SRSF11: variants seen among roughly 807,000 people sequenced by gnomAD.
SRSF11 encodes serine and arginine rich splicing factor 11.
SRSF11 carries 9 observed loss-of-function variants against 56.0 expected under a neutral mutation model. That is an observed-to-expected ratio of 0.16 (90% CI 0.10 to 0.28). The LOEUF is 0.28. Among genes scored for constraint, SRSF11 ranks in the 10% least tolerant of loss-of-function variants. The probability of loss-of-function intolerance (pLI) is 1.00; values close to 1 mark genes in which losing one functional copy is unlikely to be tolerated. For missense variants in SRSF11, 421 were observed against 600.7 expected, an observed-to-expected ratio of 0.70 and a Z score of 3.13; for synonymous variants, 222 against 215.3, an observed-to-expected ratio of 1.03 and a Z score of -0.27.
chr1:70,206,661 A>G (rs139951301), intron 1 of SRSF11, among the ~76,000 whole-genome samples: 7 of 152,174 alleles, frequency 4.6e-5, no homozygotes, highest in Admixed American at 1.3e-4. Flanking sequence ...AACCCCCATC[A>G]AGTCTACTGA....
chr1:70,205,731 C>T, exon 1 of SRSF11: 1 of 509,746 alleles, frequency 2.0e-6, no homozygotes, highest in Non-Finnish European at 3.4e-6. Context: ...GACAGAGAAG[C>T]CTTTTCCGTT....
chr1:70,241,287 T>A (rs1478923070), intron 7 of SRSF11, among the ~76,000 whole-genome samples: 1 of 152,230 alleles, frequency 6.6e-6, no homozygotes, highest in East Asian at 1.9e-4. Context: ...ACTTATATCA[T>A]AAAATATCTA....
Position 70,237,514 on chromosome 1 carries a change from G to A in SRSF11, c.680G>A (p.Arg227Gln), listed in dbSNP as rs947572087. ...ATAGAGGAAGCTATGAAAAGAGTAC[G>A]AGAAGCACAGTCCCTAATTTCTGCT... is the stretch of plus-strand genomic sequence containing the variant. ...KEIEEAMKRV[R>Q]EAQSLISAAI... Residue 227 changes from arginine (R) to glutamine (Q), a missense_variant, in exon 6 of 12, where the codon CGA becomes CAA. By Grantham distance (43) the Arg-to-Gln change is conservative (BLOSUM62 1). Around this residue, in one of 2 missense-constraint regions of SRSF11, gnomAD observed 168 missense variants for 294.9 expected, o/e 0.57. Coordinates refer to ENST00000370949, the MANE Select transcript of SRSF11 (RefSeq NM_001350605.2). The A allele has an allele frequency of 1.2e-6, 2 of 1,613,918 alleles. No individual in the cohort carries two copies. The highest frequency in any genetic ancestry group is 1.1e-5 in the South Asian group (1 of 90,994).
intron 1 of SRSF11, among the ~76,000 whole-genome samples, chr1:70,212,374 A>G (rs1010146658): frequency 6.6e-6 from 1 of 152,024 alleles, no homozygotes; most frequent in Non-Finnish European, 1.5e-5. Flanking sequence ...CTCCTCCCTC[A>G]GCCTCCCCAA....
At chr1:70,236,933 G>A (rs1326241079) in intron 5 of SRSF11, among the ~76,000 whole-genome samples, 2 of 149,762 alleles carry the variant, frequency 1.3e-5, no homozygotes, top group East Asian at 2.0e-4. Flanking sequence ...GACTACAGGC[G>A]CCTGCCACCA....
At chr1:70,238,261 T>G (rs916187944) in intron 6 of SRSF11, among the ~76,000 whole-genome samples, 6 of 152,208 alleles carry the variant, frequency 3.9e-5, no homozygotes, top group African/African-American at 1.4e-4. Flanking sequence ...TAGGAACTTT[T>G]AGATAGCACA....
chr1:70,235,757 T>C (rs1673842573), intron 5 of SRSF11, among the ~76,000 whole-genome samples: 1 of 152,238 alleles, frequency 6.6e-6, no homozygotes, highest in Non-Finnish European at 1.5e-5. Context: ...GAGTCTTGAA[T>C]AGTAATTGTA....
upstream of SRSF11, among the ~76,000 whole-genome samples, chr1:70,216,399 A>T (rs969317558): frequency 6.6e-6 from 1 of 151,552 alleles, no homozygotes; most frequent in Non-Finnish European, 1.5e-5. Flanking sequence ...CTTTTCTATA[A>T]TGTGACTTTA....
At chr1:70,235,710 G>T (rs1438465482) in intron 5 of SRSF11, among the ~76,000 whole-genome samples, 160 bp downstream of exon 5, 1 of 152,170 alleles carries the variant, frequency 6.6e-6, no homozygotes, top group Non-Finnish European at 1.5e-5. Flanking sequence ...ACAGAAGTAA[G>T]TAAGGTCCTC....
chr1:70,229,725 C>A, intron 2 of SRSF11: 1 of 984,288 alleles, frequency 1.0e-6, no homozygotes, highest in African/African-American at 1.7e-5. Context: ...GCATTTACAC[C>A]ATACCTTGTA....
At position 70,250,056 on chromosome 1, in the gene SRSF11, G is replaced by A. The variant is rs763444849; in HGVS notation, c.1118+9G>A. 3.8e-6 allele frequency: 6 copies of A among 1,595,616 alleles called. No individual in the cohort carries two copies. Among genetic ancestry groups the A allele is most frequent in the East Asian group, 4.5e-5 (2 of 44,792 alleles). The stretch of plus-strand genomic sequence containing the variant: ...TCACCATCCCCTAGGAGGTAAGAAT[G>A]TTAATCATTTAAATGTATTTTTTAT... On this transcript the variant is annotated intron_variant, in intron 10 of 11. Transcript: ENST00000370949.
chr1:70,237,393 A>G lies in SRSF11; in HGVS notation c.591-32A>G. 1.9e-6 allele frequency: 3 copies of G among 1,605,770 alleles called. No individual in the cohort carries two copies. In the South Asian group the frequency reaches 3.4e-5, roughly 18 times the overall value. ...GAAATGCTCGTGTGCATTTTAAAAT[A>G]TTTCAGATCCCATTTCTTGGTTCTG... On this transcript the variant is annotated intron_variant, in intron 5 of 11. Transcript: ENST00000370949.
intron 9 of SRSF11, 106 bp downstream of exon 9, chr1:70,247,013 T>A: frequency 8.8e-7 from 1 of 1,142,816 alleles, no homozygotes; most frequent in Non-Finnish European, 1.2e-6. Flanking sequence ...AGTATTTCAG[T>A]GTTGAAAAAA....
Position 70,250,837 on chromosome 1 carries a change from C to A in SRSF11, c.*32C>A. 1.3e-6 allele frequency: 2 copies of A among 1,562,928 alleles called. No individual in the cohort carries two copies. Among genetic ancestry groups the A allele is most frequent in the South Asian group, 1.1e-5 (1 of 89,730 alleles). ...CCTCTGAGGGAGTCCAACTGTATAC[C>A]TGCATCAGTGTCATTCCTTTGTGTG... On this transcript the variant is annotated 3_prime_UTR_variant, in exon 12 of 12. Transcript: ENST00000370949.
chr1:70,237,360 A>G (rs923014195), intron 5 of SRSF11, 65 bp from the exon 6 acceptor site: 65 of 1,588,876 alleles, frequency 4.1e-5, no homozygotes, highest in Non-Finnish European at 5.5e-5. Context: ...ATACTTAAGT[A>G]TTTATTTGAA....
chr1:70,216,556 C>A (rs1670026877), upstream of SRSF11, among the ~76,000 whole-genome samples: 1 of 152,016 alleles, frequency 6.6e-6, no homozygotes, highest in African/African-American at 2.4e-5. Flanking sequence ...TTCAGCCTCC[C>A]AAGTAATTGG....
chr1:70,230,778 G>T, intron 2 of SRSF11: 1 of 1,170,548 alleles, frequency 8.5e-7, no homozygotes, highest in Non-Finnish European at 1.1e-6. Context: ...TGCCAGAAAT[G>T]TTGCAAATGC....
chr1:70,239,638 T>C, intron 7 of SRSF11, 118 bp downstream of exon 7: 1 of 677,262 alleles, frequency 1.5e-6, no homozygotes, highest in Non-Finnish European at 2.5e-6. Flanking sequence ...TAACCTCTGC[T>C]GTTAGAATGT....
At chr1:70,217,876 A>G (rs900258239), upstream of SRSF11, among the ~76,000 whole-genome samples, 13 of 152,106 alleles carry the variant, frequency 8.5e-5, no homozygotes, top group African/African-American at 7.3e-5. Context: ...TTATGATTCA[A>G]CTCTTCATTT....
Sources: allele counts gnomAD v4.1 joint callset (sites outside exome capture counted in the v4.1 genomes callset), GRCh38; gene constraint gnomAD v4.1.1; regional missense constraint gnomAD v4.1.1; transcripts MANE v1.5; gene names NCBI Gene and HGNC (gene_info 2026-07-23, HGNC 2026-07-21).